CLNK: variants seen among roughly 807,000 people sequenced by gnomAD.
CLNK encodes cytokine-dependent hematopoietic cell linker.
In CLNK, 74 loss-of-function variants were observed where a neutral mutation model predicts 68.6. The ratio of observed to expected loss-of-function variants is 1.08; its 90% confidence interval spans 0.89 to 1.31. The LOEUF (loss-of-function observed/expected upper bound fraction) is 1.31, where lower values mean the gene tolerates loss of function less well. Ranked by LOEUF, CLNK falls within the 50% of genes most tolerant of loss-of-function variation. The pLI is 0.00. For missense variants in CLNK, 553 were observed against 515.3 expected, an observed-to-expected ratio of 1.07 and a Z score of -0.71; for synonymous variants, 198 against 172.2, an observed-to-expected ratio of 1.15 and a Z score of -1.17.
At chr4:10,575,270 C>G (rs1720515565) in intron 4 of CLNK, among the ~76,000 whole-genome samples, 1 of 152,240 alleles carries the variant, frequency 6.6e-6, no homozygotes, top group African/African-American at 2.4e-5. Context: ...TCAGCTGCTT[C>G]AGCCAGCCTC....
intron 1 of CLNK, among the ~76,000 whole-genome samples, chr4:10,677,037 G>A (rs904528581): frequency 8.0e-5 from 12 of 150,510 alleles, no homozygotes; most frequent in African/African-American, 1.2e-4. Context: ...TTAGAGGCAG[G>A]CACTTCTAGG....
chr4:10,683,360 A>G (rs1254756507), intron 1 of CLNK, among the ~76,000 whole-genome samples: 2 of 152,208 alleles, frequency 1.3e-5, no homozygotes, highest in Non-Finnish European at 2.9e-5. Flanking sequence ...CTATACAGTC[A>G]TCTGAGAGGG....
intron 4 of CLNK, among the ~76,000 whole-genome samples, chr4:10,578,696 C>T (rs1455414328): frequency 6.7e-6 from 1 of 149,234 alleles, no homozygotes; most frequent in Non-Finnish European, 1.5e-5. Flanking sequence ...AAGTGATTCT[C>T]CTGCCTCTCA....
intron 2 of CLNK, among the ~76,000 whole-genome samples, chr4:10,649,079 T>C (rs191420682): frequency 6.6e-6 from 1 of 152,180 alleles, no homozygotes; most frequent in Non-Finnish European, 1.5e-5. Context: ...CGTTAGTGAA[T>C]CACGTTAAGC....
At chr4:10,498,072 G>A in intron 18 of CLNK, among the ~76,000 whole-genome samples, 1 of 152,232 alleles carries the variant, frequency 6.6e-6, no homozygotes, top group Non-Finnish European at 1.5e-5. Flanking sequence ...GCGTATGCCT[G>A]TAATCCCAGC....
At chr4:10,498,258 G>A (rs2109021760) in intron 18 of CLNK, among the ~76,000 whole-genome samples, 1 of 152,284 alleles carries the variant, frequency 6.6e-6, no homozygotes, top group Admixed American at 6.5e-5. Flanking sequence ...CTGGGAGGCT[G>A]AGGCGGGCGA....
intron 8 of CLNK, among the ~76,000 whole-genome samples, chr4:10,555,475 A>G (rs564679881): frequency 6.6e-6 from 1 of 152,362 alleles, no homozygotes; most frequent in Non-Finnish European, 1.5e-5. Flanking sequence ...TTCGTCACAC[A>G]TAACTTGTAT....
At chr4:10,607,302 T>A (rs1577163413) in intron 2 of CLNK, among the ~76,000 whole-genome samples, 1 of 152,066 alleles carries the variant, frequency 6.6e-6, no homozygotes, top group South Asian at 2.1e-4. Flanking sequence ...TGCTCTCTTT[T>A]CCCCCACCTG....
At chr4:10,557,296 G>T (rs1719713015) in intron 8 of CLNK, among the ~76,000 whole-genome samples, 1 of 151,962 alleles carries the variant, frequency 6.6e-6, no homozygotes, top group African/African-American at 2.4e-5. Context: ...TCTCCGCCTG[G>T]GGACACTGAC....
intron 2 of CLNK, among the ~76,000 whole-genome samples, chr4:10,648,765 C>T (rs368583703): frequency 7.9e-5 from 12 of 152,124 alleles, no homozygotes; most frequent in South Asian, 2.1e-4. Flanking sequence ...GACATTCATG[C>T]CCAAAGCTTG....
chr4:10,551,997 G>T (rs908273689), intron 8 of CLNK, among the ~76,000 whole-genome samples: 1 of 151,914 alleles, frequency 6.6e-6, no homozygotes, highest in Non-Finnish European at 1.5e-5. Flanking sequence ...ACAGGTGCGC[G>T]TCAGAACGCT....
intron 1 of CLNK, among the ~76,000 whole-genome samples, chr4:10,684,137 G>C (rs939668156): frequency 5.9e-5 from 9 of 152,104 alleles, no homozygotes; most frequent in African/African-American, 2.2e-4. Context: ...CCTCACTTTT[G>C]AGCTCCTTAC....
intron 2 of CLNK, among the ~76,000 whole-genome samples, chr4:10,659,608 GA>G (rs1220128527): frequency 3.3e-5 from 5 of 152,030 alleles, no homozygotes; most frequent in Admixed American, 2.0e-4. Context: ...ACCTCTCTCA[GA>G]AAAAATCCTC....
rs535307372 is a variant in CLNK at position 10,492,612 on chromosome 4, C to T, written c.1141-1999G>A. On this transcript the variant is annotated intron_variant, in intron 18 of 18. Transcript: ENST00000226951. ...TTCCCTCGGGGCTGTTGGGAGGGAA[C>T]GTTCTTTTCTGTTAGAGGCGCACTG... 6.6e-5 allele frequency among the ~76,000 whole-genome samples: 10 copies of T among 152,266 alleles called. No homozygotes were observed. The East Asian group carries it at 1.5e-3, about 24-fold the overall frequency.
the CLNK span, among the ~76,000 whole-genome samples, chr4:10,699,512 A>ATATATATATATATAT: frequency 9.2e-5 from 3 of 32,760 alleles, no homozygotes; most frequent in African/African-American, 3.5e-4. Flanking sequence ...ATATATATAT[A>ATATATATATATATAT]TTTTTTTTTT....
At chr4:10,506,773 G>A (rs1431198249) in intron 17 of CLNK, among the ~76,000 whole-genome samples, 2 of 152,144 alleles carry the variant, frequency 1.3e-5, no homozygotes, top group East Asian at 3.9e-4. Flanking sequence ...TAATTAGCAT[G>A]ACCAAGCCTC....
intron 13 of CLNK, among the ~76,000 whole-genome samples, 159 bp from the exon 14 acceptor site, chr4:10,526,081 C>T (rs560737079): frequency 6.6e-5 from 10 of 152,244 alleles, no homozygotes; most frequent in South Asian, 2.1e-4. Context: ...ATGTATTCTA[C>T]GGCTCTTCTG....
At chr4:10,696,793 G>C in the CLNK span, among the ~76,000 whole-genome samples, 4 of 152,120 alleles carry the variant, frequency 2.6e-5, no homozygotes, top group African/African-American at 9.7e-5. Context: ...AAATGCTTTA[G>C]GTTCTGTTTT....
At chr4:10,602,578 G>T (rs948877356) in intron 2 of CLNK, among the ~76,000 whole-genome samples, 6 of 152,166 alleles carry the variant, frequency 3.9e-5, no homozygotes, top group Non-Finnish European at 7.3e-5. Context: ...CTAGAGGCTT[G>T]GGAGGGAGCA....
Sources: gnomAD v4.1 joint callset for allele counts (sites outside exome capture counted in the v4.1 genomes callset) on GRCh38, gnomAD v4.1.1 for gene constraint, MANE v1.5 for transcripts, NCBI Gene and HGNC (gene_info 2026-07-23, HGNC 2026-07-21) for gene names.